PYGB: variants seen among roughly 807,000 people sequenced by gnomAD.
PYGB encodes the protein glycogen phosphorylase, brain form.
PYGB carries 82 observed loss-of-function variants against 94.3 expected under a neutral mutation model. The observed-to-expected ratio is 0.87, with a 90% CI of 0.73 to 1.04. The LOEUF is 1.04. Among genes scored for constraint, PYGB ranks in the 50% least tolerant of loss-of-function variants. PYGB has a pLI of 0.00. For synonymous variants in PYGB, 488 were observed against 479.1 expected (o/e 1.02, Z -0.24); for missense variants, 1,132 against 1,158.2 (o/e 0.98, Z 0.33).
chr20:25,292,755 C>A (rs1339766237), intron 17 of PYGB, 142 bp downstream of exon 17: 1 of 1,140,806 alleles, frequency 8.8e-7, no homozygotes, highest in Non-Finnish European at 1.2e-6. Context: ...TGTGTGCCTG[C>A]CTGCAGGGGT....
At chr20:25,280,906 G>T (rs1200227078) in intron 10 of PYGB, 43 bp from the exon 11 acceptor site, 2 of 1,603,290 alleles carry the variant, frequency 1.2e-6, no homozygotes, top group Admixed American at 3.4e-5. Context: ...GTCTCCGTGG[G>T]GCCTCCTGTG....
chr20:25,291,858 G>T (rs2088470324), intron 16 of PYGB, among the ~76,000 whole-genome samples: 1 of 152,142 alleles, frequency 6.6e-6, no homozygotes, highest in African/African-American at 2.4e-5. Flanking sequence ...TAGTCAGTGT[G>T]TGCACTCACA....
In PYGB at chr20:25,282,074, A is replaced by G. The variant is rs201063710; in HGVS notation, c.1445A>G (p.Asn482Ser). ...FYELEPEKFQNKTNGITPRRW... is the reference protein window; with the variant it reads ...FYELEPEKFQSKTNGITPRRW... Reference sequence around the variant, plus strand: ...GAACTGGAGCCAGAGAAGTTCCAGAATAAGACCAATGGCATCACCCCCCGC... The same window carrying G: ...GAACTGGAGCCAGAGAAGTTCCAGAGTAAGACCAATGGCATCACCCCCCGC... The change falls in exon 12 of 20, where the codon AAT (asparagine) becomes AGT (serine). Residue 482 changes from asparagine to serine, a missense_variant. Transcript: ENST00000216962. 5 of 1,614,096 alleles carry G rather than the reference A, an allele frequency of 3.1e-6. No individual in the cohort carries two copies. The highest frequency in any genetic ancestry group is 2.2e-5 in the South Asian group (2 of 91,088).
rs150129197 is a variant in PYGB at position 25,279,705 on chromosome 20, C to G, written c.1092+556C>G. ...CAAGACCCCACCTCTAAAAAAAAAGCCAGGTGTGGCAGCACACACCCAGAA... is the reference window on the plus strand; with the variant it reads ...CAAGACCCCACCTCTAAAAAAAAAGGCAGGTGTGGCAGCACACACCCAGAA... On this transcript the variant is annotated intron_variant, in intron 9 of 19. Coordinates refer to ENST00000216962, the MANE Select transcript of PYGB (RefSeq NM_002862.4). Among the ~76,000 whole-genome samples, 272 of 152,166 alleles carry G rather than the reference C, an allele frequency of 1.8e-3. 1 individual carries two copies. The highest frequency in any genetic ancestry group is 6.3e-3 in the African/African-American group (263 of 41,512).
intron 13 of PYGB, among the ~76,000 whole-genome samples, chr20:25,283,640 C>A (rs548623662): frequency 6.6e-6 from 1 of 152,240 alleles, no homozygotes; most frequent in Non-Finnish European, 1.5e-5. Flanking sequence ...TGCAGGTGCA[C>A]GAGCTGTCTG....
Position 25,291,029 on chromosome 20 carries a change from C to T in PYGB, c.1969+407C>T, listed in dbSNP as rs189911462. 1.8e-4 allele frequency among the ~76,000 whole-genome samples: 27 copies of T among 152,100 alleles called. No individual in the cohort carries two copies. In the East Asian group the frequency reaches 2.7e-3, roughly 15 times the overall value. Reference sequence around the variant, plus strand: ...CTGCCCTCTCCTCCTGCCCCTCAGCCGTGTCTTCTGCCCTGGGCCCCTCTG... The same window carrying T: ...CTGCCCTCTCCTCCTGCCCCTCAGCTGTGTCTTCTGCCCTGGGCCCCTCTG... On this transcript the variant is annotated intron_variant, in intron 16 of 19. Coordinates refer to ENST00000216962, the MANE Select transcript of PYGB (RefSeq NM_002862.4).
chr20:25,258,635 T>C (rs549462016), intron 1 of PYGB, among the ~76,000 whole-genome samples: 114 of 152,324 alleles, frequency 7.5e-4, no homozygotes, highest in Non-Finnish European at 1.2e-3. Flanking sequence ...TGGCCGTCCT[T>C]GATACAGCAC....
At position 25,276,636 on chromosome 20, in the gene PYGB, T is replaced by C. The variant is rs769192521; in HGVS notation, c.661-10T>C. ...GCCACTCCGTCCTGAGCAACCCGTT[T>C]TGTGGCCAGGTGGTGCTGGCCATGC... is the stretch of plus-strand genomic sequence containing the variant. On this transcript the variant is annotated splice_polypyrimidine_tract_variant and intron_variant, in intron 5 of 19. Coordinates refer to ENST00000216962, the MANE Select transcript of PYGB (RefSeq NM_002862.4). 4 of 1,610,778 alleles carry C rather than the reference T, an allele frequency of 2.5e-6. No individual in the cohort carries two copies. The highest frequency in any genetic ancestry group is 2.5e-6 in the Non-Finnish European group (3 of 1,177,446).
intron 18 of PYGB, among the ~76,000 whole-genome samples, chr20:25,295,247 C>G (rs538315634): frequency 5.3e-5 from 8 of 152,370 alleles, no homozygotes; most frequent in African/African-American, 1.9e-4. Flanking sequence ...TGCCCCCTGC[C>G]CTGAGGCGGC....
chr20:25,261,307 A>G (rs1417711915), intron 2 of PYGB, among the ~76,000 whole-genome samples: 2 of 152,224 alleles, frequency 1.3e-5, no homozygotes, highest in African/African-American at 4.8e-5. Context: ...TCAGGCAGCA[A>G]CGTTTGCTGT....
At chr20:25,255,883 A>G (rs925373677) in intron 1 of PYGB, among the ~76,000 whole-genome samples, 3 of 152,012 alleles carry the variant, frequency 2.0e-5, no homozygotes, top group African/African-American at 7.2e-5. Context: ...ACAGGTGTGC[A>G]CCACCACGCC....
intron 14 of PYGB, among the ~76,000 whole-genome samples, chr20:25,286,066 G>C (rs2088415723): frequency 6.6e-6 from 1 of 152,220 alleles, no homozygotes; most frequent in Admixed American, 6.5e-5. Context: ...GTGTGCAGAA[G>C]TCTGGCGATG....
intron 14 of PYGB, among the ~76,000 whole-genome samples, chr20:25,287,767 C>T (rs914996322): frequency 9.2e-5 from 14 of 152,112 alleles, no homozygotes; most frequent in African/African-American, 2.7e-4. Context: ...GTTGCTTGAG[C>T]GTGGGAGTTT....
At chr20:25,288,289 CGT>C in intron 14 of PYGB, 134 bp from the exon 15 acceptor site, 4 of 1,007,994 alleles carry the variant, frequency 4.0e-6, no homozygotes, top group Non-Finnish European at 6.2e-6. Flanking sequence ...CACTGTCACC[CGT>C]GTCTCTGGGG....
chr20:25,286,934 C>G (rs763557530), intron 14 of PYGB, among the ~76,000 whole-genome samples: 1 of 152,210 alleles, frequency 6.6e-6, no homozygotes, highest in Non-Finnish European at 1.5e-5. Context: ...TTCCTGTTCT[C>G]TGCTGATTTC....
chr20:25,281,010 A>AG lies in PYGB; in HGVS notation c.1306dup (p.Asp436GlyfsTer35). On this transcript the variant is annotated frameshift_variant, in exon 11 of 20. Transcript: ENST00000216962. LOFTEE classifies it high-confidence loss of function. Reference sequence around the variant, plus strand: ...CTGCGCAGGATGTCTGTGATCGAGGAGGGGGACTGCAAGCGGATCAACATG... The same window carrying AG: ...CTGCGCAGGATGTCTGTGATCGAGGAGGGGGGACTGCAAGCGGATCAACATG... 6.2e-7 allele frequency: 1 copy of AG among 1,614,060 alleles called. No homozygotes were observed.
chr20:25,286,760 C>T (rs1379858438), intron 14 of PYGB, among the ~76,000 whole-genome samples: 3 of 152,130 alleles, frequency 2.0e-5, no homozygotes, highest in Non-Finnish European at 2.9e-5. Flanking sequence ...TGCTGTTCCC[C>T]GGGGGCTCCT....
In PYGB at chr20:25,264,371, C is replaced by T. The variant is rs545367253; in HGVS notation, c.346-4758C>T. Among the ~76,000 whole-genome samples, 42 of 152,000 alleles carry T rather than the reference C, an allele frequency of 2.8e-4. No homozygotes were observed. The South Asian group carries it at 3.7e-3, about 14-fold the overall frequency. On this transcript the variant is annotated intron_variant, in intron 2 of 19. Transcript: ENST00000216962. ...ATCCCCTTTGAAAACTGGCAGAAGACGGATGCCCTCTCTCACTACTCCTAT... is the reference window on the plus strand; with the variant it reads ...ATCCCCTTTGAAAACTGGCAGAAGATGGATGCCCTCTCTCACTACTCCTAT...
intron 2 of PYGB, among the ~76,000 whole-genome samples, chr20:25,268,023 A>AT (rs1316559821): frequency 2.0e-5 from 3 of 152,142 alleles, no homozygotes; most frequent in Admixed American, 6.5e-5. Context: ...AATTTAATAG[A>AT]TTTTTTATGA....
Sources: allele counts gnomAD v4.1 joint callset (sites outside exome capture counted in the v4.1 genomes callset), GRCh38; gene constraint gnomAD v4.1.1; transcripts MANE v1.5; gene names NCBI Gene and HGNC (gene_info 2026-07-23, HGNC 2026-07-21).